The following TMEM135 variants were observed in gnomAD, a reference collection of about 807,000 sequenced individuals.
TMEM135 encodes peroxisomal membrane protein 52.
In TMEM135, 30 loss-of-function variants were observed where a neutral mutation model predicts 60.3. The ratio of observed to expected loss-of-function variants is 0.50; its 90% CI spans 0.37 to 0.68. The LOEUF is 0.68. Among genes scored for constraint, TMEM135 ranks in the 30% least tolerant of loss-of-function variants. The probability of loss-of-function intolerance (pLI) is 0.00; values close to 1 mark genes in which losing one functional copy is unlikely to be tolerated. For missense variants in TMEM135, 468 were observed against 548.8 expected (o/e 0.85, Z 1.47); for synonymous variants, 190 against 186.7 (o/e 1.02, Z -0.14).
chr11:87,107,149 T>G (rs1857617831), intron 4 of TMEM135, among the ~76,000 whole-genome samples: 1 of 152,172 alleles, frequency 6.6e-6, no homozygotes, highest in African/African-American at 2.4e-5. Context: ...ACAGACTATA[T>G]CATTGGTCTA....
intron 6 of TMEM135, among the ~76,000 whole-genome samples, chr11:87,274,632 C>T (rs1049174759): frequency 1.3e-5 from 2 of 151,970 alleles, no homozygotes; most frequent in African/African-American, 4.8e-5. Context: ...ACTCCATGTC[C>T]TCATATTCTC....
Position 87,326,754 on chromosome 11 carries a change from C to T in TMEM135, c.*5421C>T, listed in dbSNP as rs757773228. The T allele has an allele frequency of 6.7e-6, 3 of 446,376 alleles. No homozygotes were observed. The highest frequency in any genetic ancestry group is 3.2e-5 in the South Asian group (2 of 62,218). The allele number at this position is 446,376 out of a possible 1,614,324, so 27.7% of individuals were successfully genotyped here. On this transcript the variant is annotated 3_prime_UTR_variant, in exon 15 of 15. Transcript: ENST00000305494. ...GAAAATTGAAGGTAAATAATATCTG[C>T]AAAGCTTCAGGAAGAAATTCAGTTG...
intron 4 of TMEM135, among the ~76,000 whole-genome samples, chr11:87,115,995 G>C (rs192017628): frequency 2.1e-3 from 313 of 151,816 alleles, no homozygotes; most frequent in Non-Finnish European, 3.9e-3. Context: ...TAGATTAATG[G>C]TAAATTTTAG....
chr11:87,150,380 T>G (rs181381499), intron 4 of TMEM135, among the ~76,000 whole-genome samples: 2 of 152,342 alleles, frequency 1.3e-5, no homozygotes, highest in Admixed American at 1.3e-4. Flanking sequence ...TGTATCTAAA[T>G]TAACTTGCCT....
Position 87,235,156 on chromosome 11 carries a change from T to A in TMEM135, c.463-1482T>A, listed in dbSNP as rs575066374. 9.0e-4 allele frequency among the ~76,000 whole-genome samples: 137 copies of A among 152,042 alleles called. 4 individuals are homozygous for A. In the South Asian group the frequency reaches 0.028, roughly 31 times the overall value. ...CACTTAGACTTCAATTTATAATCAATTAGAATAACTGAAAGTTATTTTACA... is the reference window on the plus strand; with the variant it reads ...CACTTAGACTTCAATTTATAATCAAATAGAATAACTGAAAGTTATTTTACA... On this transcript the variant is annotated intron_variant, in intron 5 of 14. Transcript: ENST00000305494.
At chr11:87,163,987 A>T (rs1044170679) in intron 5 of TMEM135, among the ~76,000 whole-genome samples, 4 of 147,788 alleles carry the variant, frequency 2.7e-5, no homozygotes, top group South Asian at 2.2e-4. Flanking sequence ...ATTTTGTAGG[A>T]TGCCTGTTCA....
chr11:87,121,788 C>T (rs978900366), intron 4 of TMEM135, among the ~76,000 whole-genome samples: 10 of 151,788 alleles, frequency 6.6e-5, no homozygotes, highest in African/African-American at 2.2e-4. Context: ...TACAGGTACA[C>T]GCCACCAAGC....
intron 5 of TMEM135, among the ~76,000 whole-genome samples, chr11:87,205,178 T>C (rs541812038): frequency 2.0e-5 from 3 of 152,290 alleles, no homozygotes; most frequent in East Asian, 1.9e-4. Flanking sequence ...AGAAGTGACA[T>C]AGATGGAAAA....
At chr11:87,218,285 A>G (rs1470416837) in intron 5 of TMEM135, among the ~76,000 whole-genome samples, 1 of 152,158 alleles carries the variant, frequency 6.6e-6, no homozygotes, top group East Asian at 1.9e-4. Flanking sequence ...TGATCTTTAA[A>G]ACTTATCTGG....
Position 87,302,280 on chromosome 11 carries a change from G to A in TMEM135, c.552-16G>A. 6.2e-7 allele frequency: 1 copy of A among 1,609,946 alleles called. No individual in the cohort carries two copies. Among genetic ancestry groups the A allele is most frequent in the Non-Finnish European group, 8.5e-7 (1 of 1,178,362 alleles). On this transcript the variant is annotated splice_polypyrimidine_tract_variant and intron_variant, in intron 7 of 14. Transcript: ENST00000305494. ...TTTTAAGTGAAAAATGCCTCACATT[G>A]TGCTCTTTTCTTTAGGTTCATTGTA...
chr11:87,196,773 T>G (rs1430200106), intron 5 of TMEM135, among the ~76,000 whole-genome samples: 1 of 143,026 alleles, frequency 7.0e-6, no homozygotes, highest in Non-Finnish European at 1.5e-5. Flanking sequence ...AACATGAACT[T>G]TCAGACTTTA....
In TMEM135 at chr11:87,250,068, G is replaced by A. The variant is rs562542609; in HGVS notation, c.509+13384G>A. ...TCTAGGAATGTATTCATTTCTTGAAGGTATTCCAATTTATTGGCATATAGT... is the reference window on the plus strand; with the variant it reads ...TCTAGGAATGTATTCATTTCTTGAAAGTATTCCAATTTATTGGCATATAGT... On this transcript the variant is annotated intron_variant, in intron 6 of 14. Transcript: ENST00000305494. 3.9e-5 allele frequency among the ~76,000 whole-genome samples: 6 copies of A among 152,136 alleles called. No homozygotes were observed. The South Asian group carries it at 1.2e-3, about 32-fold the overall frequency.
At chr11:87,110,086 A>G (rs1347711348) in intron 4 of TMEM135, among the ~76,000 whole-genome samples, 1 of 152,114 alleles carries the variant, frequency 6.6e-6, no homozygotes, top group Non-Finnish European at 1.5e-5. Context: ...TCCCTAAAGC[A>G]ATCATTTATG....
intron 1 of TMEM135, among the ~76,000 whole-genome samples, chr11:87,065,797 A>G (rs560729073): frequency 1.3e-5 from 2 of 152,200 alleles, no homozygotes; most frequent in Admixed American, 1.3e-4. Flanking sequence ...TTGTAGTTTT[A>G]TGTTTCACAT....
intron 5 of TMEM135, among the ~76,000 whole-genome samples, chr11:87,162,764 T>A (rs1938919550): frequency 6.6e-6 from 1 of 152,198 alleles, no homozygotes; most frequent in Admixed American, 6.5e-5. Context: ...TCAAATGGTA[T>A]TTCTGGTTCT....
chr11:87,321,239 G>T lies in TMEM135; in HGVS notation c.1283G>T (p.Gly428Val). 1 of 1,613,476 alleles carries T rather than the reference G, an allele frequency of 6.2e-7. No homozygotes were observed. The highest frequency in any genetic ancestry group is 8.5e-7 in the Non-Finnish European group (1 of 1,179,616). The change falls in exon 15 of 15, where the codon GGT (glycine) becomes GTT (valine). Residue 428 changes from glycine (G) to valine (V), a missense_variant. Transcript: ENST00000305494. ...VMNRKVLDVF[G>V]TGASKHFQDF... is the part of the protein sequence containing the mutation. Reference sequence around the variant, plus strand: ...AACCGAAAAGTCCTTGATGTTTTTGGTACTGGTGCATCTAAACACTTTCAG... The same window carrying T: ...AACCGAAAAGTCCTTGATGTTTTTGTTACTGGTGCATCTAAACACTTTCAG...
At position 87,321,337 on chromosome 11, in the gene TMEM135, T is replaced by A. The variant is rs199579363; in HGVS notation, c.*4T>A. The A allele has an allele frequency of 6.2e-7, 1 of 1,613,560 alleles. No individual in the cohort carries two copies. The highest frequency in any genetic ancestry group is 2.2e-5 in the East Asian group (1 of 44,842). ...GTTGCCCACAGAGTTTTCCTGAAGA[T>A]GACTGTAACTTATTAATGTGACTAA... On this transcript the variant is annotated 3_prime_UTR_variant, in exon 15 of 15. Transcript: ENST00000305494.
At chr11:87,309,376 T>G (rs1590862892) in intron 9 of TMEM135, 129 bp from the exon 10 acceptor site, 2 of 879,290 alleles carry the variant, frequency 2.3e-6, no homozygotes, top group Non-Finnish European at 3.6e-6. Context: ...TAAGGCTTTA[T>G]TTTGCTGTGC....
At chr11:87,077,588 A>G (rs79224275) in intron 3 of TMEM135, among the ~76,000 whole-genome samples, 1,980 of 152,332 alleles carry the variant, frequency 0.013, 51 homozygotes, top group African/African-American at 0.046. Flanking sequence ...TTTTTGTAAT[A>G]GCTTTATTGA....
Sources: gnomAD v4.1 joint callset for allele counts (sites outside exome capture counted in the v4.1 genomes callset) on GRCh38, gnomAD v4.1.1 for gene constraint, MANE v1.5 for transcripts, NCBI Gene and HGNC (gene_info 2026-07-23, HGNC 2026-07-21) for gene names.